The following TAFA1 variants were observed in gnomAD, a reference collection of about 807,000 sequenced individuals.
TAFA1 encodes TAFA chemokine like family member 1.
In TAFA1, 4 loss-of-function variants were observed where a neutral mutation model predicts 18.5. That is an observed-to-expected ratio of 0.22 (90% CI 0.11 to 0.49). The LOEUF (loss-of-function observed/expected upper bound fraction) is 0.49. TAFA1 is among the 20% of genes least tolerant of loss of function. The probability of loss-of-function intolerance (pLI) is 0.98; values close to 1 mark genes in which losing one functional copy is unlikely to be tolerated. For synonymous variants in TAFA1, 56 were observed against 55.2 expected (o/e 1.01, Z -0.06); for missense variants, 147 against 169.0 (o/e 0.87, Z 0.72).
intron 2 of TAFA1, among the ~76,000 whole-genome samples, chr3:68,297,973 C>A (rs2068239711): frequency 6.6e-6 from 1 of 152,116 alleles, no homozygotes. Context: ...TGCTTTCTTG[C>A]AATTGATTTA....
chr3:68,218,250 A>G (rs544351118), intron 2 of TAFA1, among the ~76,000 whole-genome samples: 175 of 152,272 alleles, frequency 1.1e-3, no homozygotes, highest in Non-Finnish European at 2.0e-3. Context: ...TTTTCTCAAC[A>G]TCGACTGGCA....
chr3:68,229,821 G>A (rs968008703), intron 2 of TAFA1, among the ~76,000 whole-genome samples: 1 of 152,008 alleles, frequency 6.6e-6, no homozygotes, highest in South Asian at 2.1e-4. Context: ...CCCCCTTAAG[G>A]CTCAGTTTCT....
chr3:68,263,149 C>G (rs2067469155), intron 2 of TAFA1, among the ~76,000 whole-genome samples: 1 of 152,016 alleles, frequency 6.6e-6, no homozygotes, highest in Non-Finnish European at 1.5e-5. Context: ...CCAGGCTGGA[C>G]TCAAACTCTT....
chr3:68,121,276 TG>T (rs2065395325), intron 2 of TAFA1, among the ~76,000 whole-genome samples: 1 of 151,816 alleles, frequency 6.6e-6, no homozygotes, highest in Non-Finnish European at 1.5e-5. Context: ...TGTGTGTGTG[TG>T]TGTGTGTGTG....
At position 68,263,446 on chromosome 3, in the gene TAFA1, T is replaced by TACACACACACACACACAC. The variant is rs3033685; in HGVS notation, c.119-153816_119-153799dup. On this transcript the variant is annotated intron_variant, in intron 2 of 4. Coordinates refer to ENST00000478136, the MANE Select transcript of TAFA1 (RefSeq NM_213609.4). ...AACAGATACTTTAACCACACACACA[T>TACACACACACACACACAC]ACACACACACACACACACACACACA... Among the ~76,000 whole-genome samples, 932 of 137,764 alleles carry TACACACACACACACACAC rather than the reference T, an allele frequency of 6.8e-3. 7 individuals are homozygous for TACACACACACACACACAC. Among genetic ancestry groups the TACACACACACACACACAC allele is most frequent in the Non-Finnish European group, 8.1e-3 (517 of 63,486 alleles). The allele number at this position is 137,764 out of a possible 152,430, so 90.4% of individuals were successfully genotyped here.
At chr3:68,374,129 C>T (rs895427218) in intron 2 of TAFA1, among the ~76,000 whole-genome samples, 1 of 152,130 alleles carries the variant, frequency 6.6e-6, no homozygotes, top group Admixed American at 6.6e-5. Context: ...TGCTTCTCAT[C>T]CCACATGGTG....
intron 2 of TAFA1, among the ~76,000 whole-genome samples, chr3:68,185,820 G>A (rs938097804): frequency 6.6e-6 from 1 of 152,190 alleles, no homozygotes; most frequent in African/African-American, 2.4e-5. Flanking sequence ...GCTGAGATGG[G>A]AGGATCCCTT....
At chr3:68,350,066 G>T (rs180844553) in intron 2 of TAFA1, among the ~76,000 whole-genome samples, 1 of 152,188 alleles carries the variant, frequency 6.6e-6, no homozygotes, top group East Asian at 1.9e-4. Flanking sequence ...ACTGAACCGT[G>T]CATATGTATA....
intron 3 of TAFA1, among the ~76,000 whole-genome samples, chr3:68,537,332 C>T (rs745610246): frequency 3.3e-5 from 5 of 152,234 alleles, no homozygotes; most frequent in Non-Finnish European, 7.4e-5. Context: ...AGTGATTACA[C>T]TAACCCCCTA....
At chr3:68,264,810 A>G (rs982161149) in intron 2 of TAFA1, among the ~76,000 whole-genome samples, 7 of 151,952 alleles carry the variant, frequency 4.6e-5, no homozygotes, top group African/African-American at 1.5e-4. Flanking sequence ...TGCTTAAAAC[A>G]TATTTTAGTG....
chr3:68,529,150 A>G (rs2073150488), intron 3 of TAFA1, among the ~76,000 whole-genome samples: 1 of 151,900 alleles, frequency 6.6e-6, no homozygotes, highest in Non-Finnish European at 1.5e-5. Flanking sequence ...ACAAGTAGGC[A>G]AGCAGATGAG....
At chr3:68,446,909 C>T (rs376232568) in intron 3 of TAFA1, among the ~76,000 whole-genome samples, 2 of 152,282 alleles carry the variant, frequency 1.3e-5, no homozygotes, top group East Asian at 3.9e-4. Context: ...TGTATCAATC[C>T]AGTGACTTCT....
At chr3:68,449,162 T>C (rs1314171132) in intron 3 of TAFA1, among the ~76,000 whole-genome samples, 3 of 152,178 alleles carry the variant, frequency 2.0e-5, no homozygotes, top group Non-Finnish European at 4.4e-5. Flanking sequence ...ACGGAAAAGA[T>C]GCAGGGAAGG....
chr3:68,440,516 G>A (rs748723961), intron 3 of TAFA1, among the ~76,000 whole-genome samples: 8 of 152,208 alleles, frequency 5.3e-5, no homozygotes, highest in South Asian at 2.1e-4. Flanking sequence ...TACAGCCCTC[G>A]TTTCTGCAAC....
intron 2 of TAFA1, among the ~76,000 whole-genome samples, chr3:68,249,196 C>A (rs1408311643): frequency 3.9e-5 from 6 of 152,154 alleles, no homozygotes; most frequent in African/African-American, 1.2e-4. Flanking sequence ...CTAAAATAAT[C>A]CAGGGAATAA....
intron 2 of TAFA1, among the ~76,000 whole-genome samples, chr3:68,174,698 C>A (rs1481948500): frequency 1.3e-5 from 2 of 152,072 alleles, no homozygotes; most frequent in Non-Finnish European, 2.9e-5. Flanking sequence ...ATAAGGGAAG[C>A]AGAGCATGAA....
intron 2 of TAFA1, among the ~76,000 whole-genome samples, chr3:68,179,160 A>G (rs764209901): frequency 6.6e-6 from 1 of 152,200 alleles, no homozygotes; most frequent in Non-Finnish European, 1.5e-5. Context: ...ATTAGGCTAT[A>G]ACTTACTTCC....
chr3:68,521,112 A>G (rs544569041), intron 3 of TAFA1, among the ~76,000 whole-genome samples: 2 of 152,312 alleles, frequency 1.3e-5, no homozygotes, highest in East Asian at 1.9e-4. Context: ...GTCTTTTATG[A>G]TGGCTATAGT....
At chr3:68,259,996 G>A (rs921274765) in intron 2 of TAFA1, among the ~76,000 whole-genome samples, 8 of 152,046 alleles carry the variant, frequency 5.3e-5, no homozygotes, top group African/African-American at 1.4e-4. Flanking sequence ...TGGTGAGAGA[G>A]GGCATCCCTG....
Sources: gnomAD v4.1 joint callset for allele counts (sites outside exome capture counted in the v4.1 genomes callset) on GRCh38, gnomAD v4.1.1 for gene constraint, MANE v1.5 for transcripts, NCBI Gene and HGNC (gene_info 2026-07-23, HGNC 2026-07-21) for gene names.